Variants in SMYD3 observed in about 807,000 individuals in gnomAD.
The protein encoded by SMYD3 is histone-lysine N-methyltransferase SMYD3.
SMYD3 carries 36 observed loss-of-function variants against 57.7 expected under a neutral mutation model. The ratio of observed to expected loss-of-function variants is 0.62; its 90% CI spans 0.48 to 0.82. The LOEUF is 0.82. SMYD3 is among the 40% of genes least tolerant of loss of function. The pLI, the probability that SMYD3 is intolerant of heterozygous loss-of-function variation, is 0.00. For synonymous variants in SMYD3, 211 were observed against 195.0 expected (o/e 1.08, Z -0.68); for missense variants, 515 against 538.8 (o/e 0.96, Z 0.44).
At chr1:246,008,236 A>G (rs2059210866) in intron 5 of SMYD3, among the ~76,000 whole-genome samples, 1 of 152,260 alleles carries the variant, frequency 6.6e-6, no homozygotes, top group African/African-American at 2.4e-5. Flanking sequence ...CAACCTGTGC[A>G]TTGTATTCTG....
intron 5 of SMYD3, among the ~76,000 whole-genome samples, chr1:246,315,779 T>C (rs2065145694): frequency 6.6e-6 from 1 of 152,242 alleles, no homozygotes; most frequent in South Asian, 2.1e-4. Context: ...GAAAATCAAC[T>C]TTTGAAGATA....
At chr1:246,269,029 T>G (rs540113229) in intron 5 of SMYD3, among the ~76,000 whole-genome samples, 1 of 152,160 alleles carries the variant, frequency 6.6e-6, no homozygotes, top group Admixed American at 6.5e-5. Flanking sequence ...TAAAGAATAA[T>G]AAGCACGTAA....
At position 245,940,355 on chromosome 1, in the gene SMYD3, C is replaced by T. The variant is rs1288481140; in HGVS notation, c.532-10418G>A. ...GGGTGAGACCTCCCAACTGGGGTCA[C>T]TAGATACCTCTGACAGGAGCATTCT... On this transcript the variant is annotated intron_variant, in intron 5 of 11. Coordinates refer to ENST00000490107, the MANE Select transcript of SMYD3 (RefSeq NM_001167740.2). 4.6e-5 allele frequency among the ~76,000 whole-genome samples: 7 copies of T among 152,162 alleles called. No individual in the cohort carries two copies. The East Asian group carries it at 1.4e-3, about 29-fold the overall frequency.
intron 1 of SMYD3, among the ~76,000 whole-genome samples, chr1:246,410,081 C>T (rs1368281653): frequency 6.6e-5 from 10 of 151,888 alleles, no homozygotes; most frequent in East Asian, 1.9e-4. Context: ...CTGAGATGAT[C>T]GGGTTTTCTA....
At chr1:246,146,490 C>T (rs546068519) in intron 5 of SMYD3, among the ~76,000 whole-genome samples, 1 of 152,294 alleles carries the variant, frequency 6.6e-6, no homozygotes, top group East Asian at 1.9e-4. Flanking sequence ...TGCCAACACC[C>T]ATCCTTCCTT....
At chr1:245,766,696 ATTAAAC>A (rs1377186290) in intron 10 of SMYD3, among the ~76,000 whole-genome samples, 3 of 152,318 alleles carry the variant, frequency 2.0e-5, no homozygotes, top group Admixed American at 1.3e-4. Flanking sequence ...ATGTAGCATC[ATTAAAC>A]TTAAAGGCCA....
intron 1 of SMYD3, among the ~76,000 whole-genome samples, chr1:246,481,628 A>T (rs2068107201): frequency 8.6e-6 from 1 of 116,584 alleles, no homozygotes; most frequent in Non-Finnish European, 1.6e-5. Context: ...ATATACATAC[A>T]TACATACACA....
chr1:246,507,046 T>C lies in SMYD3; in HGVS notation c.164+8A>G. The stretch of plus-strand genomic sequence containing the variant: ...CGACTCAGGTAGGCGAGGGCGCTCC[T>C]TACGCACCCGAGAAGGCAGCGGTCG... On this transcript the variant is annotated splice_region_variant and intron_variant, in intron 1 of 11. Transcript: ENST00000490107. The C allele has an allele frequency of 7.0e-7, 1 of 1,430,728 alleles. No homozygotes were observed. The allele number at this position is 1,430,728 out of a possible 1,614,324, so 88.6% of individuals were successfully genotyped here.
intron 1 of SMYD3, among the ~76,000 whole-genome samples, chr1:246,446,953 C>T (rs1011957904): frequency 7.3e-5 from 11 of 150,896 alleles, no homozygotes; most frequent in Non-Finnish European, 1.2e-4. Flanking sequence ...CGCTTGAACC[C>T]GGGAGGCGAA....
intron 10 of SMYD3, among the ~76,000 whole-genome samples, chr1:245,798,901 T>G (rs1031002289): frequency 6.6e-5 from 10 of 152,142 alleles, no homozygotes; most frequent in African/African-American, 2.4e-4. Context: ...AGACCATGCC[T>G]TAGTGTTCCC....
At chr1:245,918,870 T>C (rs2055648238) in intron 7 of SMYD3, among the ~76,000 whole-genome samples, 1 of 152,196 alleles carries the variant, frequency 6.6e-6, no homozygotes, top group African/African-American at 2.4e-5. Context: ...ACAGTAGTTA[T>C]TGGGAGATTA....
At chr1:245,833,061 A>AG (rs2049930788) in intron 10 of SMYD3, among the ~76,000 whole-genome samples, 1 of 50,616 alleles carries the variant, frequency 2.0e-5, no homozygotes, top group Non-Finnish European at 7.1e-5. Context: ...ATATGTGACA[A>AG]AAAAAAAAAA....
At chr1:245,872,569 G>A (rs12069572) in intron 8 of SMYD3, among the ~76,000 whole-genome samples, 1 of 152,230 alleles carries the variant, frequency 6.6e-6, no homozygotes, top group Non-Finnish European at 1.5e-5. Context: ...GGGCAACCAG[G>A]GGCTGTGAGC....
chr1:246,070,912 T>C (rs1171115252), intron 5 of SMYD3, among the ~76,000 whole-genome samples: 1 of 152,252 alleles, frequency 6.6e-6, no homozygotes, highest in Non-Finnish European at 1.5e-5. Flanking sequence ...GGGACAAATA[T>C]TCTTTTAAGT....
rs761458660 is a variant in SMYD3 at position 245,822,628 on chromosome 1, C to G, written c.1076+35868G>C. ...TCTGAGGAGCTCGGCTGTTTTACTG[C>G]TGACACCATCTTATGGTATCCTTTG... is the stretch of plus-strand genomic sequence containing the variant. On this transcript the variant is annotated intron_variant, in intron 10 of 11. Coordinates refer to ENST00000490107, the MANE Select transcript of SMYD3 (RefSeq NM_001167740.2). Among the ~76,000 whole-genome samples, 14 of 152,012 alleles carry G rather than the reference C, an allele frequency of 9.2e-5. No homozygotes were observed. The East Asian group carries it at 9.7e-4, about 11-fold the overall frequency.
At chr1:246,146,402 AC>A (rs1481016229) in intron 5 of SMYD3, among the ~76,000 whole-genome samples, 1 of 152,210 alleles carries the variant, frequency 6.6e-6, no homozygotes, top group East Asian at 1.9e-4. Flanking sequence ...TCAGTAGAAC[AC>A]GTACCTGCAC....
rs555553339 is a variant in SMYD3, at chr1:245,808,626, C to T, written c.1077-44477G>A. Among the ~76,000 whole-genome samples, 15 of 152,256 alleles carry T rather than the reference C, an allele frequency of 9.9e-5. No individual in the cohort carries two copies. The South Asian group carries it at 2.3e-3, about 23-fold the overall frequency. On this transcript the variant is annotated intron_variant, in intron 10 of 11. Transcript: ENST00000490107. The stretch of plus-strand genomic sequence containing the variant: ...CACTGGCCTTCTCAACTTGCTGAGG[C>T]TCTTGAGGTTTGCCTGTTGTGCAGG...
At chr1:246,102,709 A>G (rs1177664352) in intron 5 of SMYD3, among the ~76,000 whole-genome samples, 1 of 151,492 alleles carries the variant, frequency 6.6e-6, no homozygotes, top group Non-Finnish European at 1.5e-5. Flanking sequence ...TGAGTTGGAG[A>G]CTGGCCTGGC....
intron 2 of SMYD3, among the ~76,000 whole-genome samples, chr1:246,347,917 T>C (rs1214855487): frequency 6.6e-6 from 1 of 151,686 alleles, no homozygotes; most frequent in Non-Finnish European, 1.5e-5. Context: ...GCAATTCCAT[T>C]ACTGGGTATA....
Sources: allele counts gnomAD v4.1 joint callset (sites outside exome capture counted in the v4.1 genomes callset), GRCh38; gene constraint gnomAD v4.1.1; transcripts MANE v1.5; gene names NCBI Gene and HGNC (gene_info 2026-07-23, HGNC 2026-07-21).